Variants in CHST9 observed in about 807,000 individuals in gnomAD.
The protein encoded by CHST9 is carbohydrate sulfotransferase 9, also known as GalNAc-4-sulfotransferase 2.
A neutral mutation model predicts 44.4 loss-of-function variants in CHST9; 41 were observed. The ratio of observed to expected loss-of-function variants is 0.92; its 90% CI spans 0.72 to 1.20. The LOEUF is 1.20. Ranked by LOEUF, CHST9 falls within the 50% of genes most tolerant of loss-of-function variation. The pLI is 0.00. For synonymous variants in CHST9, 171 were observed against 178.4 expected (o/e 0.96, Z 0.33); for missense variants, 504 against 516.5 (o/e 0.98, Z 0.23).
intron 2 of CHST9, among the ~76,000 whole-genome samples, chr18:27,053,263 A>G (rs539654092): frequency 1.4e-5 from 1 of 69,350 alleles, no homozygotes; most frequent in African/African-American, 5.6e-5. Context: ...AAGAAGAAGG[A>G]GAAGGAGAAG....
intron 2 of CHST9, among the ~76,000 whole-genome samples, chr18:27,070,751 T>C (rs1034152188): frequency 6.6e-6 from 1 of 152,236 alleles, no homozygotes; most frequent in Non-Finnish European, 1.5e-5. Flanking sequence ...TTGTTGTCCT[T>C]GCTTTTGCCA....
At chr18:27,116,722 C>T (rs2058323809) in intron 2 of CHST9, among the ~76,000 whole-genome samples, 1 of 152,086 alleles carries the variant, frequency 6.6e-6, no homozygotes, top group African/African-American at 2.4e-5. Context: ...TCTTCCAATC[C>T]TTGATCATTA....
At chr18:27,145,266 G>A (rs9953799) in intron 1 of CHST9, among the ~76,000 whole-genome samples, 64,326 of 151,834 alleles carry the variant, frequency 0.42, 14,029 homozygotes, top group East Asian at 0.64. Context: ...ATCTTGGCTC[G>A]CCGCAACCTC....
intron 2 of CHST9, 146 bp from the exon 3 acceptor site, chr18:27,048,649 C>T (rs1338879626): frequency 1.8e-6 from 1 of 562,774 alleles, no homozygotes; most frequent in Non-Finnish European, 3.1e-6. Flanking sequence ...CTGGGCTCAG[C>T]TGACAGGCAT....
At chr18:26,978,266 T>C (rs2056648893) in intron 4 of CHST9, among the ~76,000 whole-genome samples, 1 of 141,970 alleles carries the variant, frequency 7.0e-6, no homozygotes, top group Admixed American at 7.5e-5. Flanking sequence ...TTTTCTGATG[T>C]GTGTGTGTGA....
At chr18:26,970,372 T>G (rs1052993369) in intron 4 of CHST9, among the ~76,000 whole-genome samples, 1 of 152,210 alleles carries the variant, frequency 6.6e-6, no homozygotes, top group Non-Finnish European at 1.5e-5. Context: ...CAATTCTAAA[T>G]GCTGTATGTA....
chr18:27,067,088 G>C (rs2057789591), intron 2 of CHST9, among the ~76,000 whole-genome samples: 1 of 151,964 alleles, frequency 6.6e-6, no homozygotes, highest in African/African-American at 2.4e-5. Context: ...AAAGTAAAAT[G>C]GTATGGTACC....
chr18:27,018,665 T>G (rs1302546707), intron 4 of CHST9, among the ~76,000 whole-genome samples: 3 of 150,814 alleles, frequency 2.0e-5, no homozygotes, highest in Non-Finnish European at 2.9e-5. Flanking sequence ...TTAAAAAATA[T>G]CATCATGTTC....
intron 4 of CHST9, among the ~76,000 whole-genome samples, chr18:26,954,689 A>G (rs2056298325): frequency 6.6e-6 from 1 of 152,092 alleles, no homozygotes; most frequent in South Asian, 2.1e-4. Flanking sequence ...TTAAGACGTC[A>G]GGAGTTCTTC....
chr18:27,043,707 C>T (rs1293284872), intron 3 of CHST9, among the ~76,000 whole-genome samples: 3 of 152,058 alleles, frequency 2.0e-5, no homozygotes, highest in Non-Finnish European at 4.4e-5. Flanking sequence ...CCAATCCATA[C>T]TTCCGCTGAG....
intron 4 of CHST9, among the ~76,000 whole-genome samples, chr18:26,945,046 A>C (rs992035661): frequency 3.3e-5 from 5 of 152,206 alleles, no homozygotes; most frequent in Non-Finnish European, 5.9e-5. Flanking sequence ...TGTATGTCTT[A>C]AGTAGAGGAA....
intron 2 of CHST9, among the ~76,000 whole-genome samples, chr18:27,137,296 A>ATT (rs2058522113): frequency 1.3e-4 from 6 of 44,714 alleles, no homozygotes; most frequent in Admixed American, 5.6e-4. Context: ...ATATTGATTT[A>ATT]TTTATATATG....
At chr18:27,175,699 A>T (rs971850990) in intron 1 of CHST9, among the ~76,000 whole-genome samples, 2 of 152,044 alleles carry the variant, frequency 1.3e-5, no homozygotes, top group Admixed American at 6.6e-5. Flanking sequence ...AACTTTGTAC[A>T]TGTGGAGTTA....
rs2145031788 is a variant in CHST9, at chr18:26,910,886, C to G, written c.*5373G>C. The G allele has an allele frequency of 6.6e-6, 1 of 152,308 alleles. No individual in the cohort carries two copies. The highest frequency in any genetic ancestry group is 6.5e-5 in the Admixed American group (1 of 15,302). The allele number at this position is 152,308 out of a possible 1,614,324, so 9.4% of individuals were successfully genotyped here. Reference sequence around the variant, plus strand: ...TGTATGCAAAGTATTTTTCCCGTGTCTGCTACTGAGTAGATCCTCAGTAAA... The same window carrying G: ...TGTATGCAAAGTATTTTTCCCGTGTGTGCTACTGAGTAGATCCTCAGTAAA... On this transcript the variant is annotated 3_prime_UTR_variant, in exon 6 of 6. Coordinates refer to ENST00000618847, the MANE Select transcript of CHST9 (RefSeq NM_031422.6).
intron 2 of CHST9, among the ~76,000 whole-genome samples, chr18:27,106,433 T>C (rs2058222022): frequency 6.6e-6 from 1 of 152,212 alleles, no homozygotes; most frequent in Non-Finnish European, 1.5e-5. Context: ...ATTCGCCTAC[T>C]AGCCCAACCA....
At chr18:27,052,274 ATATGTATATATATG>A (rs1444156347) in intron 2 of CHST9, among the ~76,000 whole-genome samples, 6 of 127,766 alleles carry the variant, frequency 4.7e-5, no homozygotes, top group Admixed American at 7.7e-5. Flanking sequence ...ATGTGTATAT[ATATGTATATATATG>A]TGTGTATATA....
chr18:27,010,551 C>T (rs1003330703), intron 4 of CHST9, among the ~76,000 whole-genome samples: 1 of 152,146 alleles, frequency 6.6e-6, no homozygotes, highest in South Asian at 2.1e-4. Context: ...CCTAACTCCT[C>T]CTCTACTTCC....
chr18:27,050,065 G>A (rs1222346115), intron 2 of CHST9, among the ~76,000 whole-genome samples: 1 of 152,144 alleles, frequency 6.6e-6, no homozygotes, highest in African/African-American at 2.4e-5. Flanking sequence ...TCACATGATT[G>A]TTGCTAGATT....
In CHST9 at chr18:26,911,952, A is replaced by G. The variant is rs760123966; in HGVS notation, c.*4307T>C. The G allele has an allele frequency of 6.6e-6, 1 of 152,120 alleles. No individual in the cohort carries two copies. Among genetic ancestry groups the G allele is most frequent in the African/African-American group, 2.4e-5 (1 of 41,414 alleles). The allele number at this position is 152,120 out of a possible 1,614,324, so 9.4% of individuals were successfully genotyped here. ...GCTCAGGGTAATCTGACTACAAACT[A>G]GTACTAGGGAAGGAGACTCAGGAAG... On this transcript the variant is annotated 3_prime_UTR_variant, in exon 6 of 6. Coordinates refer to ENST00000618847, the MANE Select transcript of CHST9 (RefSeq NM_031422.6).
Sources: allele counts gnomAD v4.1 joint callset (sites outside exome capture counted in the v4.1 genomes callset), GRCh38; gene constraint gnomAD v4.1.1; transcripts MANE v1.5; gene names NCBI Gene and HGNC (gene_info 2026-07-23, HGNC 2026-07-21).